Variants in ARHGEF3 observed in about 807,000 individuals in gnomAD.
ARHGEF3 encodes the protein Rho guanine nucleotide exchange factor 3, also known as 59.8 kDA protein.
ARHGEF3 carries 28 observed loss-of-function variants against 63.2 expected under a neutral mutation model. That is an observed-to-expected ratio of 0.44 (90% CI 0.33 to 0.61). The LOEUF is 0.61. Among genes scored for constraint, ARHGEF3 ranks in the 20% least tolerant of loss-of-function variants. The probability of loss-of-function intolerance (pLI) is 0.03; values close to 1 mark genes in which losing one functional copy is unlikely to be tolerated. For missense variants in ARHGEF3, 533 were observed against 659.3 expected, an observed-to-expected ratio of 0.81 and a Z score of 2.10; for synonymous variants, 266 against 254.2, an observed-to-expected ratio of 1.05 and a Z score of -0.44.
rs993575474 is a variant in ARHGEF3, at chr3:56,846,008, C to A, written c.192+36284G>T. ...TGAAACAAAAATGCAGCATCACTCG[C>A]TCTCTCGCTGCTTTAAGGATCTCTG... On this transcript the variant is annotated intron_variant, in intron 4 of 12. Coordinates refer to the ARHGEF3 transcript ENST00000338458. Among the ~76,000 whole-genome samples the A allele has an allele frequency of 4.6e-5, 7 of 152,224 alleles. No homozygotes were observed. The East Asian group carries it at 1.2e-3, about 25-fold the overall frequency.
intron 2 of ARHGEF3, among the ~76,000 whole-genome samples, chr3:57,001,248 A>C (rs1002286661): frequency 2.0e-5 from 3 of 152,210 alleles, no homozygotes; most frequent in African/African-American, 7.2e-5. Flanking sequence ...TCCTTCTGCA[A>C]ATTTGTATTT....
intron 2 of ARHGEF3, among the ~76,000 whole-genome samples, chr3:57,000,171 T>C (rs1702132469): frequency 6.6e-6 from 1 of 152,210 alleles, no homozygotes; most frequent in Non-Finnish European, 1.5e-5. Flanking sequence ...GCTATTGTCA[T>C]AGTGAATGTT....
Position 56,760,386 on chromosome 3 carries a change from CAG to C in ARHGEF3, c.205-5237_205-5236del, listed in dbSNP as rs113052961. 1.2e-3 allele frequency among the ~76,000 whole-genome samples: 183 copies of C among 152,132 alleles called. 1 individual carries two copies. Among genetic ancestry groups the C allele is most frequent in the Middle Eastern group, 3.4e-3 (1 of 294 alleles). The stretch of plus-strand genomic sequence containing the variant: ...TTAATTAATTTATTTAAAAATTTCC[CAG>C]AGAGTTGGAGATTGTCTTCTGCTGC... On this transcript the variant is annotated intron_variant, in intron 2 of 9. Transcript: ENST00000296315.
chr3:56,860,057 T>G (rs2040019643), intron 4 of ARHGEF3, among the ~76,000 whole-genome samples: 1 of 151,826 alleles, frequency 6.6e-6, no homozygotes, highest in Admixed American at 6.6e-5. Flanking sequence ...GATAGATAGA[T>G]AGATAGATAG....
chr3:56,912,299 G>A (rs1487057845), intron 3 of ARHGEF3, among the ~76,000 whole-genome samples: 1 of 152,158 alleles, frequency 6.6e-6, no homozygotes, highest in African/African-American at 2.4e-5. Context: ...CTCTTACTTA[G>A]GCACTAACTG....
At chr3:56,807,771 T>C (rs140452182) in intron 4 of ARHGEF3, among the ~76,000 whole-genome samples, 2 of 152,172 alleles carry the variant, frequency 1.3e-5, no homozygotes, top group Non-Finnish European at 2.9e-5. Context: ...CTCATACCAG[T>C]ATTACTATTC....
chr3:57,052,185 G>T (rs17825666), intron 1 of ARHGEF3, among the ~76,000 whole-genome samples: 1 of 146,758 alleles, frequency 6.8e-6, no homozygotes, highest in Non-Finnish European at 1.5e-5. Context: ...GCCCAAGGCC[G>T]CCAGCCAGCG....
In ARHGEF3 at chr3:56,967,373, T is replaced by A. The variant is rs1282161782; in HGVS notation, c.63-8484A>T. Among the ~76,000 whole-genome samples the A allele has an allele frequency of 5.2e-4, 39 of 75,230 alleles. 3 individuals carry two copies. Among genetic ancestry groups the A allele is most frequent in the African/African-American group, 2.5e-3 (39 of 15,412 alleles). The allele number at this position is 75,230 out of a possible 152,430, so 49.4% of individuals were successfully genotyped here. On this transcript the variant is annotated intron_variant, in intron 2 of 12. Transcript: ENST00000338458. ...TATTATATAATATTATATTATATAT[T>A]ATATATTATACATATTATATATTAT...
intron 1 of ARHGEF3, chr3:57,060,715 C>A (rs1365480145): frequency 6.6e-6 from 1 of 152,250 alleles, no homozygotes; most frequent in African/African-American, 2.4e-5. Context: ...TCATCTCCCC[C>A]ACTCTTCCTG....
chr3:56,785,789 T>C (rs1168258470), intron 1 of ARHGEF3, among the ~76,000 whole-genome samples: 4 of 152,198 alleles, frequency 2.6e-5, no homozygotes, highest in Non-Finnish European at 5.9e-5. Context: ...CAGTCAGGTC[T>C]GTCATCCGAC....
intron 1 of ARHGEF3, among the ~76,000 whole-genome samples, chr3:57,059,296 A>C (rs1411439315): frequency 6.6e-6 from 1 of 151,966 alleles, no homozygotes; most frequent in African/African-American, 2.4e-5. Flanking sequence ...AGGGTGTCCA[A>C]TTTTTTGGCT....
intron 2 of ARHGEF3, among the ~76,000 whole-genome samples, chr3:56,978,206 C>A (rs1227292823): frequency 6.6e-6 from 1 of 152,196 alleles, no homozygotes; most frequent in Non-Finnish European, 1.5e-5. Context: ...CACCTTTTAA[C>A]ACATGAAAAC....
chr3:56,838,711 CT>C (rs1338469949), intron 4 of ARHGEF3, among the ~76,000 whole-genome samples: 3 of 152,118 alleles, frequency 2.0e-5, no homozygotes, highest in Non-Finnish European at 4.4e-5. Context: ...ACGAGCTGAC[CT>C]GAGAACTCAA....
intron 4 of ARHGEF3, among the ~76,000 whole-genome samples, chr3:56,834,486 C>T (rs901116973): frequency 2.0e-5 from 3 of 152,132 alleles, no homozygotes; most frequent in South Asian, 2.1e-4. Flanking sequence ...AGGTCGTGGT[C>T]GGGCCTGATG....
intron 4 of ARHGEF3, among the ~76,000 whole-genome samples, chr3:56,873,262 C>T (rs954563261): frequency 1.0e-4 from 15 of 147,592 alleles, no homozygotes; most frequent in African/African-American, 3.5e-4. Flanking sequence ...GCTTATATGT[C>T]AGGTTTGTTG....
At chr3:56,872,472 A>C (rs1428863360) in intron 4 of ARHGEF3, among the ~76,000 whole-genome samples, 1 of 152,056 alleles carries the variant, frequency 6.6e-6, no homozygotes, top group African/African-American at 2.4e-5. Context: ...TATCATAAAC[A>C]ATGCTGTAAT....
chr3:56,751,305 T>C lies in ARHGEF3; in HGVS notation c.530A>G (p.His177Arg), dbSNP rs758093932. ...TCCTGGGAACAAAATTATACCTTCA[T>C]GTAGAGGAATTAGAGAGTCCAGTGT... is the stretch of plus-strand genomic sequence containing the variant. ...FGTLDSLIPL[H>R]EELLSQLRDV... Residue 177 changes from histidine to arginine, a missense_variant, in exon 5 of 10, where the codon CAT becomes CGT. By Grantham distance (29) the His-to-Arg change is conservative. This residue lies in a region of ARHGEF3 where 107 missense variants were observed against 207.9 expected (regional missense o/e 0.51). Transcript: ENST00000296315. 1.2e-6 allele frequency: 2 copies of C among 1,610,880 alleles called. No homozygotes were observed. The highest frequency in any genetic ancestry group is 1.7e-6 in the Non-Finnish European group (2 of 1,177,048).
chr3:56,901,065 C>T (rs1255543978), intron 3 of ARHGEF3, among the ~76,000 whole-genome samples: 1 of 152,112 alleles, frequency 6.6e-6, no homozygotes, highest in Non-Finnish European at 1.5e-5. Context: ...GAAACACTTT[C>T]CAGAAATAAG....
At position 56,775,200 on chromosome 3, in the gene ARHGEF3, C is replaced by T. The variant is rs1411692123; in HGVS notation, c.97-1384G>A. ...GGGTTAAGGCAGAACTTCAGATTCT[C>T]CAGGATATTTCTGCATCCCCGTTCT... is the stretch of plus-strand genomic sequence containing the variant. On this transcript the variant is annotated intron_variant, in intron 1 of 9. Coordinates refer to ENST00000296315, the MANE Select transcript of ARHGEF3 (RefSeq NM_019555.3). 2.7e-6 allele frequency: 4 copies of T among 1,460,276 alleles called. No individual in the cohort carries two copies. The East Asian group carries it at 1.1e-4, about 39-fold the overall frequency. 90.5% of individuals were successfully genotyped at this position (1,460,276 alleles called of 1,614,324 possible).
Sources: allele counts gnomAD v4.1 joint callset (sites outside exome capture counted in the v4.1 genomes callset), GRCh38; gene constraint gnomAD v4.1.1; regional missense constraint gnomAD v4.1.1; transcripts MANE v1.5; gene names NCBI Gene and HGNC (gene_info 2026-07-23, HGNC 2026-07-21).